The following PHACTR2 variants were observed in gnomAD, a reference collection of about 807,000 sequenced individuals.
PHACTR2 encodes chromosome 6 open reading frame 56.
A neutral mutation model predicts 76.0 loss-of-function variants in PHACTR2; 30 were observed. That is an observed-to-expected ratio of 0.39 (90% CI 0.30 to 0.54). The LOEUF (loss-of-function observed/expected upper bound fraction) is 0.54. Among genes scored for constraint, PHACTR2 ranks in the 20% least tolerant of loss-of-function variants. PHACTR2 has a pLI of 0.61. For synonymous variants in PHACTR2, 292 were observed against 292.5 expected, an observed-to-expected ratio of 1.00 and a Z score of 0.02; for missense variants, 696 against 781.1, an observed-to-expected ratio of 0.89 and a Z score of 1.30.
At position 143,672,147 on chromosome 6, in the gene PHACTR2, T is replaced by G. The variant is rs1562265136; in HGVS notation, c.14-39869T>G. 6.6e-6 allele frequency among the ~76,000 whole-genome samples: 1 copy of G among 152,166 alleles called. No homozygotes were observed. Among genetic ancestry groups the G allele is most frequent in the African/African-American group, 2.4e-5 (1 of 41,426 alleles). On this transcript the variant is annotated intron_variant, in intron 1 of 11. Transcript: ENST00000305766. This position sits in a 1 kb window ranked among gnomAD's most constrained non-coding sequence, Gnocchi z 5.8. The stretch of plus-strand genomic sequence containing the variant: ...AGGGATCTCAAAGTTTTCTGACACT[T>G]GAGTGTGCTGTTGGTTGGACTACAT...
At chr6:143,727,638 T>C (rs1009279906) in intron 2 of PHACTR2, among the ~76,000 whole-genome samples, 1 of 152,244 alleles carries the variant, frequency 6.6e-6, no homozygotes, top group African/African-American at 2.4e-5. Flanking sequence ...TTTTTTGTCT[T>C]TTTGATAATA....
chr6:143,557,473 G>C lies in PHACTR2; in HGVS notation c.217+20266G>C, dbSNP rs1384843613. ...GAACTGGAGCTTTGGGTGGGATTGG[G>C]GAAGGAGGGAAGAGAAGGTCTGGAA... On this transcript the variant is annotated intron_variant, in intron 1 of 11. Coordinates refer to the PHACTR2 transcript ENST00000367584. This position sits in a 1 kb window ranked among gnomAD's most constrained non-coding sequence, Gnocchi z 5.5. 1 of 152,282 alleles carries C rather than the reference G, an allele frequency of 6.6e-6. No homozygotes were observed. 9.4% of individuals were successfully genotyped at this position (152,282 alleles called of 1,614,324 possible). A position where few individuals can be genotyped will look rare whatever the true frequency, so the allele number is the denominator to read the frequency against.
chr6:143,819,952 G>A lies in PHACTR2; in HGVS notation c.1923-3722G>A, dbSNP rs1776377126. Among the ~76,000 whole-genome samples, 1 of 152,150 alleles carries A rather than the reference G, an allele frequency of 6.6e-6. No homozygotes were observed. The highest frequency in any genetic ancestry group is 6.6e-5 in the Admixed American group (1 of 15,266). On this transcript the variant is annotated intron_variant, in intron 12 of 12. Coordinates refer to ENST00000440869, the MANE Select transcript of PHACTR2 (RefSeq NM_001100164.2). This position sits in a 1 kb window ranked among gnomAD's most constrained non-coding sequence, Gnocchi z 5.0. ...AGGAAGCATAGCAGCATCTGCTTCT[G>A]GGGAGGCCTCAGAAAGCCTCCAATC...
chr6:143,781,974 G>A (rs985056092), intron 9 of PHACTR2, among the ~76,000 whole-genome samples: 6 of 152,118 alleles, frequency 3.9e-5, no homozygotes, highest in African/African-American at 9.7e-5. Context: ...GTTCAGAGAA[G>A]GAAAACTGAT....
Position 143,585,342 on chromosome 6 carries a change from G to A in PHACTR2, c.217+48135G>A, listed in dbSNP as rs1470879146. On this transcript the variant is annotated intron_variant, in intron 1 of 11. Coordinates refer to the PHACTR2 transcript ENST00000367584. This position sits in a 1 kb window ranked among gnomAD's most constrained non-coding sequence, Gnocchi z 5.2. ...AGATTCCAGCTACCAGGAAGAGGCT[G>A]GAAGCAGAATTCCAGTCTTCAGGGA... is the stretch of plus-strand genomic sequence containing the variant. Among the ~76,000 whole-genome samples the A allele has an allele frequency of 1.3e-5, 2 of 152,248 alleles. No homozygotes were observed. The highest frequency in any genetic ancestry group is 2.9e-5 in the Non-Finnish European group (2 of 68,052).
In PHACTR2 at chr6:143,753,471, G is replaced by A. The variant is rs77906713; in HGVS notation, c.296-283G>A. On this transcript the variant is annotated intron_variant, in intron 3 of 12. Transcript: ENST00000440869. The surrounding 1 kb of genome is among the most constrained non-coding windows in gnomAD (Gnocchi z 4.6). ...AACTATTGACTTCAGACAAACCTAA[G>A]CACATGAACGAGGGACTCTGCTGCC... 0.013 allele frequency among the ~76,000 whole-genome samples: 1,935 copies of A among 152,224 alleles called. 39 individuals carry two copies. The highest frequency in any genetic ancestry group is 0.044 in the African/African-American group (1,807 of 41,530).
In PHACTR2 at chr6:143,541,403, A is replaced by C. The variant is rs1232017695; in HGVS notation, c.217+4196A>C. Among the ~76,000 whole-genome samples the C allele has an allele frequency of 1.3e-5, 2 of 152,216 alleles. No homozygotes were observed. On this transcript the variant is annotated intron_variant, in intron 1 of 11. Coordinates refer to the PHACTR2 transcript ENST00000367584. This position sits in a 1 kb window ranked among gnomAD's most constrained non-coding sequence, Gnocchi z 5.3. ...GTGCTGTTCTGGACCTGTGTGGGCT[A>C]TAGGGAGGACCAAAAGATGTTTTTA...
rs998204716 is a variant in PHACTR2 at position 143,822,054 on chromosome 6, A to C, written c.1923-1620A>C. On this transcript the variant is annotated intron_variant, in intron 12 of 12. Coordinates refer to ENST00000440869, the MANE Select transcript of PHACTR2 (RefSeq NM_001100164.2). This position sits in a 1 kb window ranked among gnomAD's most constrained non-coding sequence, Gnocchi z 5.5. ...GTAGAGGAAAGGGCATTAGCGCAAA[A>C]GCCTTTTTGGGGCAAGTGATTGAAA... Among the ~76,000 whole-genome samples the C allele has an allele frequency of 6.6e-6, 1 of 152,120 alleles. No individual in the cohort carries two copies. The highest frequency in any genetic ancestry group is 2.4e-5 in the African/African-American group (1 of 41,412).
chr6:143,825,871 G>C lies in PHACTR2; in HGVS notation c.*2182G>C, dbSNP rs532018578. 13 of 152,040 alleles carry C rather than the reference G, an allele frequency of 8.6e-5. No homozygotes were observed. Among genetic ancestry groups the C allele is most frequent in the African/African-American group, 3.1e-4 (13 of 41,504 alleles). The allele number at this position is 152,040 out of a possible 1,614,324, so 9.4% of individuals were successfully genotyped here. On this transcript the variant is annotated 3_prime_UTR_variant, in exon 13 of 13. Coordinates refer to ENST00000440869, the MANE Select transcript of PHACTR2 (RefSeq NM_001100164.2). This position sits in a 1 kb window ranked among gnomAD's most constrained non-coding sequence, Gnocchi z 4.1. ...AAAGGAACAATTTTTTCCCACTTTT[G>C]ATGCCTGTGATGCAATTTTTTATTG...
intron 2 of PHACTR2, among the ~76,000 whole-genome samples, chr6:143,716,695 ACT>A (rs928358172): frequency 8.5e-5 from 13 of 152,324 alleles, no homozygotes; most frequent in African/African-American, 2.9e-4. Context: ...TAGGACAGGA[ACT>A]TACCAAAGGA....
At position 143,738,662 on chromosome 6, in the gene PHACTR2, G is replaced by A. The variant is rs1778872097; in HGVS notation, c.215-10323G>A. 6.6e-6 allele frequency among the ~76,000 whole-genome samples: 1 copy of A among 151,214 alleles called. No homozygotes were observed. The highest frequency in any genetic ancestry group is 1.5e-5 in the Non-Finnish European group (1 of 67,798). Reference sequence around the variant, plus strand: ...TCCCAGCTACTTAGGAGGCTAAGGTGAGAGGATGGCTTGAGCCCGGGAGGC... The same window carrying A: ...TCCCAGCTACTTAGGAGGCTAAGGTAAGAGGATGGCTTGAGCCCGGGAGGC... On this transcript the variant is annotated intron_variant, in intron 2 of 12. Transcript: ENST00000440869. The surrounding 1 kb of genome is among the most constrained non-coding windows in gnomAD (Gnocchi z 4.0).
At position 143,809,531 on chromosome 6, in the gene PHACTR2, G is replaced by A. The variant is rs749152815; in HGVS notation, c.1922+2398G>A. 6.6e-6 allele frequency among the ~76,000 whole-genome samples: 1 copy of A among 151,890 alleles called. No homozygotes were observed. Among genetic ancestry groups the A allele is most frequent in the African/African-American group, 2.4e-5 (1 of 41,382 alleles). On this transcript the variant is annotated intron_variant, in intron 12 of 12. Coordinates refer to ENST00000440869, the MANE Select transcript of PHACTR2 (RefSeq NM_001100164.2). This position sits in a 1 kb window ranked among gnomAD's most constrained non-coding sequence, Gnocchi z 4.2. Reference sequence around the variant, plus strand: ...TGGCTTCTTTTTTATATATGTATTTGTATGTACAAAAATAATATATTCTAA... The same window carrying A: ...TGGCTTCTTTTTTATATATGTATTTATATGTACAAAAATAATATATTCTAA...
intron 1 of PHACTR2, among the ~76,000 whole-genome samples, chr6:143,572,991 G>A (rs749975626): frequency 2.0e-5 from 3 of 152,202 alleles, no homozygotes; most frequent in Admixed American, 6.5e-5. Flanking sequence ...AAAATGAAAT[G>A]TTTTTTACTT....
Position 143,599,857 on chromosome 6 carries a change from C to T in PHACTR2, c.217+62650C>T, listed in dbSNP as rs1280296361. 6.6e-6 allele frequency among the ~76,000 whole-genome samples: 1 copy of T among 152,126 alleles called. No homozygotes were observed. Among genetic ancestry groups the T allele is most frequent in the African/African-American group, 2.4e-5 (1 of 41,414 alleles). ...CAAATGCTTTCAGGAGCCAGGCAGGCCATGTAAGTGTGTGTAGCTCAATGT... is the reference window on the plus strand; with the variant it reads ...CAAATGCTTTCAGGAGCCAGGCAGGTCATGTAAGTGTGTGTAGCTCAATGT... On this transcript the variant is annotated intron_variant, in intron 1 of 11. Transcript: ENST00000367584. The surrounding 1 kb of genome is among the most constrained non-coding windows in gnomAD (Gnocchi z 4.6).
At chr6:143,538,602 G>C (rs561404683) in intron 1 of PHACTR2, among the ~76,000 whole-genome samples, 1 of 152,152 alleles carries the variant, frequency 6.6e-6, no homozygotes, top group Non-Finnish European at 1.5e-5. Flanking sequence ...TCTGTGCTCC[G>C]GGATCAGGCC....
intron 1 of PHACTR2, among the ~76,000 whole-genome samples, chr6:143,687,328 G>A (rs973430022): frequency 5.3e-5 from 8 of 152,152 alleles, no homozygotes; most frequent in Non-Finnish European, 1.0e-4. Context: ...AAGGAAACAA[G>A]AATTGTAAGA....
At chr6:143,707,004 A>G (rs950547045) in intron 1 of PHACTR2, among the ~76,000 whole-genome samples, 7 of 152,210 alleles carry the variant, frequency 4.6e-5, no homozygotes, top group African/African-American at 1.7e-4. Flanking sequence ...ACCTCATGTA[A>G]ATGTAGGTAA....
intron 10 of PHACTR2, among the ~76,000 whole-genome samples, chr6:143,785,983 T>C (rs952211417): frequency 6.6e-6 from 1 of 152,232 alleles, no homozygotes. Context: ...GGAGACATTT[T>C]CCCCATGGTC....
intron 6 of PHACTR2, among the ~76,000 whole-genome samples, chr6:143,770,985 CT>C (rs1321574314): frequency 7.1e-6 from 1 of 140,244 alleles, no homozygotes; most frequent in Non-Finnish European, 1.5e-5. Context: ...GTCATATTAC[CT>C]TTTTTCTAAA....
Sources: allele counts gnomAD v4.1 joint callset (sites outside exome capture counted in the v4.1 genomes callset), GRCh38; gene constraint gnomAD v4.1.1; non-coding constraint Gnocchi (gnomAD v3.1); transcripts MANE v1.5; gene names NCBI Gene and HGNC (gene_info 2026-07-23, HGNC 2026-07-21).